PPP1R9A: variants seen among roughly 807,000 people sequenced by gnomAD.
The protein encoded by PPP1R9A is neurabin-1.
A neutral mutation model predicts 141.9 loss-of-function variants in PPP1R9A; 59 were observed. That is an observed-to-expected ratio of 0.42 (90% confidence interval 0.34 to 0.52). The LOEUF is 0.52. Ranked by LOEUF, PPP1R9A falls within the 20% of genes least tolerant of loss-of-function variation. PPP1R9A has a pLI of 0.10. For synonymous variants in PPP1R9A, 500 were observed against 569.7 expected (o/e 0.88, Z 1.74); for missense variants, 1,444 against 1,611.9 (o/e 0.90, Z 1.78).
rs1563532619 is a variant in PPP1R9A at position 95,269,373 on chromosome 7, TGGA to T, written c.2991_2993del (p.Asp998del). On this transcript the variant is annotated inframe_deletion, in exon 14 of 20. Transcript: ENST00000433360. Reference sequence around the variant, plus strand: ...ATAGCTGAATTTCAAGAAGAACCACTGGACCCAGAAATGGGGCCTCTCTCCTCT... The same window carrying T: ...ATAGCTGAATTTCAAGAAGAACCACTCCCAGAAATGGGGCCTCTCTCCTCT... The T allele has an allele frequency of 2.5e-6, 4 of 1,598,310 alleles. No homozygotes were observed. Among genetic ancestry groups the T allele is most frequent in the Non-Finnish European group, 3.4e-6 (4 of 1,179,340 alleles).
chr7:95,249,395 A>T (rs917887544), intron 9 of PPP1R9A, among the ~76,000 whole-genome samples: 1 of 152,182 alleles, frequency 6.6e-6, no homozygotes, highest in Admixed American at 6.5e-5. Context: ...GTTAATGTTT[A>T]TCAGATGATT....
intron 2 of PPP1R9A, among the ~76,000 whole-genome samples, chr7:94,912,464 G>A (rs959216997): frequency 6.6e-6 from 1 of 152,120 alleles, no homozygotes; most frequent in Non-Finnish European, 1.5e-5. Context: ...GTGGCAGAAT[G>A]TGTAGTTTTA....
intron 5 of PPP1R9A, among the ~76,000 whole-genome samples, chr7:95,189,727 C>T (rs558930057): frequency 4.7e-4 from 71 of 152,086 alleles, no homozygotes; most frequent in African/African-American, 1.5e-3. Context: ...TGAGCCACCG[C>T]GCCCGGCCGG....
intron 2 of PPP1R9A, among the ~76,000 whole-genome samples, chr7:94,975,766 A>G (rs1453350965): frequency 1.3e-5 from 2 of 152,158 alleles, no homozygotes; most frequent in Non-Finnish European, 2.9e-5. Context: ...TTTGAAAGAA[A>G]TAGGTTATCT....
At position 95,227,177 on chromosome 7, in the gene PPP1R9A, G is replaced by A. The variant is rs905040300; in HGVS notation, c.2112+1061G>A. On this transcript the variant is annotated intron_variant, in intron 8 of 19. Transcript: ENST00000433360. ...TATAAGTTATCAAGAAAAGTAGGTA[G>A]ATGACTTGTTCTCTAAGAATATTTT... is the stretch of plus-strand genomic sequence containing the variant. Among the ~76,000 whole-genome samples the A allele has an allele frequency of 2.0e-5, 3 of 152,338 alleles. No individual in the cohort carries two copies. The South Asian group carries it at 6.2e-4, about 32-fold the overall frequency.
At chr7:95,179,186 G>A (rs1833346070) in intron 5 of PPP1R9A, among the ~76,000 whole-genome samples, 1 of 152,034 alleles carries the variant, frequency 6.6e-6, no homozygotes, top group South Asian at 2.1e-4. Flanking sequence ...TGATCAAGTG[G>A]GTTTCATACT....
rs189078157 is a variant in PPP1R9A at position 94,992,605 on chromosome 7, A to G, written c.1395+81097A>G. 3.1e-3 allele frequency among the ~76,000 whole-genome samples: 475 copies of G among 152,278 alleles called. 2 individuals are homozygous for G. Among genetic ancestry groups the G allele is most frequent in the African/African-American group, 0.011 (467 of 41,542 alleles). ...CCCACTAATAGTATGTGAACATTCAATTTCCTTTACATCCATGCCAGCACT... is the reference window on the plus strand; with the variant it reads ...CCCACTAATAGTATGTGAACATTCAGTTTCCTTTACATCCATGCCAGCACT... On this transcript the variant is annotated intron_variant, in intron 2 of 19. Transcript: ENST00000433360.
chr7:95,212,745 C>T (rs1195451051), intron 7 of PPP1R9A, among the ~76,000 whole-genome samples: 2 of 152,078 alleles, frequency 1.3e-5, no homozygotes, highest in Non-Finnish European at 2.9e-5. Context: ...ATTATTGATC[C>T]TGCTGTACCT....
chr7:95,033,074 G>A (rs984575873), intron 2 of PPP1R9A, among the ~76,000 whole-genome samples: 1 of 151,490 alleles, frequency 6.6e-6, no homozygotes, highest in Non-Finnish European at 1.5e-5. Context: ...GCATGCTGTT[G>A]GCTCACTGCA....
At chr7:95,147,504 T>C (rs1050617423) in intron 4 of PPP1R9A, among the ~76,000 whole-genome samples, 2 of 152,230 alleles carry the variant, frequency 1.3e-5, no homozygotes, top group Non-Finnish European at 2.9e-5. Flanking sequence ...TCTTGCCTGA[T>C]TGCCCTGGCT....
intron 2 of PPP1R9A, among the ~76,000 whole-genome samples, chr7:94,942,998 A>G (rs183720832): frequency 6.6e-6 from 1 of 152,192 alleles, no homozygotes; most frequent in Admixed American, 6.5e-5. Context: ...TGTTTGCTAC[A>G]ATGATTCTGG....
intron 16 of PPP1R9A, among the ~76,000 whole-genome samples, chr7:95,281,636 A>G (rs1350844165): frequency 1.3e-5 from 2 of 152,178 alleles, no homozygotes; most frequent in Non-Finnish European, 2.9e-5. Context: ...TTGGACTACC[A>G]AAAGTCCTTT....
At chr7:95,209,609 G>T (rs868846462) in intron 7 of PPP1R9A, among the ~76,000 whole-genome samples, 3 of 152,196 alleles carry the variant, frequency 2.0e-5, no homozygotes, top group South Asian at 4.1e-4. Flanking sequence ...GAGATTGTAA[G>T]ATTGAGACTA....
chr7:94,912,252 T>C (rs752611850), intron 2 of PPP1R9A, among the ~76,000 whole-genome samples: 2 of 152,230 alleles, frequency 1.3e-5, no homozygotes, highest in Non-Finnish European at 2.9e-5. Flanking sequence ...ATGACTTCAC[T>C]TAGTTAACAT....
rs1195072207 is a variant in PPP1R9A at position 94,972,211 on chromosome 7, C to CTTA, written c.1395+60704_1395+60705insTAT. Among the ~76,000 whole-genome samples, 3 of 152,062 alleles carry CTTA rather than the reference C, an allele frequency of 2.0e-5. No individual in the cohort carries two copies. In the East Asian group the frequency reaches 5.8e-4, roughly 29 times the overall value. ...CTGTACTTATTACTGGTCTTTTGTA[C>CTTA]TGTGTATATATGGTCTTGTTATTTT... On this transcript the variant is annotated intron_variant, in intron 2 of 19. Coordinates refer to ENST00000433360, the MANE Select transcript of PPP1R9A (RefSeq NM_001166160.2).
At chr7:95,286,441 G>A in intron 18 of PPP1R9A, 116 bp downstream of exon 18, 1 of 1,437,760 alleles carries the variant, frequency 7.0e-7, no homozygotes, top group Non-Finnish European at 9.2e-7. Flanking sequence ...CAGGACTGTG[G>A]TTTATGTTTA....
At chr7:95,031,171 G>C (rs1211466042) in intron 2 of PPP1R9A, among the ~76,000 whole-genome samples, 2 of 152,146 alleles carry the variant, frequency 1.3e-5, no homozygotes, top group Non-Finnish European at 2.9e-5. Context: ...ATGGAAACTT[G>C]TTCTTCCTTT....
chr7:95,236,627 G>T (rs1288380199), intron 8 of PPP1R9A, among the ~76,000 whole-genome samples: 7 of 141,776 alleles, frequency 4.9e-5, no homozygotes, highest in Non-Finnish European at 6.2e-5. Context: ...ACTTTTTTAG[G>T]TTTTTTTGTA....
At position 95,226,219 on chromosome 7, in the gene PPP1R9A, AG is replaced by A. The variant is rs2152953741; in HGVS notation, c.2112+104del. On this transcript the variant is annotated intron_variant, in intron 8 of 19. Coordinates refer to ENST00000433360, the MANE Select transcript of PPP1R9A (RefSeq NM_001166160.2). The stretch of plus-strand genomic sequence containing the variant: ...TAAGAATAATCAGTTTGCAAATCAA[AG>A]CTTTTTAATAACAGGTTGTCTTGAG... 3 of 1,196,200 alleles carry A rather than the reference AG, an allele frequency of 2.5e-6. No individual in the cohort carries two copies. In the East Asian group the frequency reaches 7.8e-5, roughly 31 times the overall value. The allele number at this position is 1,196,200 out of a possible 1,614,324, so 74.1% of individuals were successfully genotyped here. A position where few individuals can be genotyped will look rare whatever the true frequency, so the allele number is the denominator to read the frequency against.
Sources: gnomAD v4.1 joint callset for allele counts (sites outside exome capture counted in the v4.1 genomes callset) on GRCh38, gnomAD v4.1.1 for gene constraint, MANE v1.5 for transcripts, NCBI Gene and HGNC (gene_info 2026-07-23, HGNC 2026-07-21) for gene names.